Variants in XKR4 observed in about 807,000 individuals in gnomAD.
XKR4 encodes XK-related protein 4.
Under a neutral mutation model 53.9 loss-of-function variants are expected in XKR4, and 12 were observed. That is an observed-to-expected ratio of 0.22 (90% CI 0.14 to 0.36). The LOEUF is 0.36. Ranked by LOEUF, XKR4 falls within the 10% of genes least tolerant of loss-of-function variation. The pLI is 1.00. For missense variants in XKR4, 799 were observed against 859.5 expected (o/e 0.93, Z 0.88); for synonymous variants, 354 against 362.4 (o/e 0.98, Z 0.26).
intron 1 of XKR4, among the ~76,000 whole-genome samples, chr8:55,341,140 A>G (rs1803539778): frequency 6.6e-6 from 1 of 152,124 alleles, no homozygotes; most frequent in South Asian, 2.1e-4. Flanking sequence ...AGGTTTATTT[A>G]AAGGTGGTCC....
At chr8:55,480,952 T>A (rs1585598347) in intron 2 of XKR4, among the ~76,000 whole-genome samples, 1 of 152,152 alleles carries the variant, frequency 6.6e-6, no homozygotes, top group East Asian at 1.9e-4. Context: ...AGAATCCATA[T>A]CATGAAAATG....
chr8:55,193,628 G>A (rs1019604855), intron 1 of XKR4, among the ~76,000 whole-genome samples: 2 of 152,162 alleles, frequency 1.3e-5, no homozygotes, highest in South Asian at 2.1e-4. Flanking sequence ...CCCCACTGTC[G>A]GGGTTAACAA....
chr8:55,282,297 A>G (rs1818855076), intron 1 of XKR4, among the ~76,000 whole-genome samples: 1 of 152,234 alleles, frequency 6.6e-6, no homozygotes, highest in African/African-American at 2.4e-5. Flanking sequence ...AGCACAATGC[A>G]TAATTCCTGT....
intron 2 of XKR4, chr8:55,454,210 G>T: frequency 9.4e-7 from 1 of 1,061,756 alleles, no homozygotes. Flanking sequence ...AGGGTGGAAT[G>T]TGCACACACT....
chr8:55,265,730 A>G (rs973626432), intron 1 of XKR4, among the ~76,000 whole-genome samples: 1 of 152,068 alleles, frequency 6.6e-6, no homozygotes, highest in Non-Finnish European at 1.5e-5. Flanking sequence ...CTGTAATCCC[A>G]GCATTTTGGG....
At chr8:55,162,836 T>C (rs1196540190) in intron 1 of XKR4, among the ~76,000 whole-genome samples, 1 of 152,218 alleles carries the variant, frequency 6.6e-6, no homozygotes, top group African/African-American at 2.4e-5. Context: ...AACTGTACTA[T>C]ATATGCACAT....
chr8:55,450,674 G>C, intron 2 of XKR4: 1 of 592,204 alleles, frequency 1.7e-6, no homozygotes, highest in Admixed American at 2.2e-5. Flanking sequence ...CCGCTGCTCT[G>C]TCCAGCCAGA....
intron 1 of XKR4, among the ~76,000 whole-genome samples, chr8:55,291,874 A>G (rs1819026262): frequency 6.6e-6 from 1 of 152,032 alleles, no homozygotes; most frequent in South Asian, 2.1e-4. Context: ...TACTTTTCTG[A>G]GGTATTTTTT....
chr8:55,244,057 T>C (rs1818249216), intron 1 of XKR4, among the ~76,000 whole-genome samples: 2 of 152,280 alleles, frequency 1.3e-5, no homozygotes, highest in Non-Finnish European at 2.9e-5. Context: ...TTGAGTATTT[T>C]ATAGCTTTTT....
In XKR4 at chr8:55,103,301, T is replaced by TA; in HGVS notation, c.806+9dup. On this transcript the variant is annotated splice_region_variant and intron_variant, in intron 1 of 2. Coordinates refer to ENST00000327381, the MANE Select transcript of XKR4 (RefSeq NM_052898.2). ...AGCTCGGGCAAATCTGGAGGTACTG[T>TA]AATGGGTGGGGGAAAAGGGAGGCTT... is the stretch of plus-strand genomic sequence containing the variant. The TA allele has an allele frequency of 1.9e-6, 3 of 1,589,322 alleles. No individual in the cohort carries two copies. The highest frequency in any genetic ancestry group is 1.1e-5 in the South Asian group (1 of 87,774).
intron 1 of XKR4, among the ~76,000 whole-genome samples, chr8:55,215,137 T>G (rs994172287): frequency 2.0e-5 from 3 of 152,120 alleles, no homozygotes; most frequent in Non-Finnish European, 4.4e-5. Flanking sequence ...ACTCTTCATT[T>G]AGCTGCTGAG....
chr8:55,484,461 G>C (rs1806162600), intron 2 of XKR4, among the ~76,000 whole-genome samples: 2 of 152,172 alleles, frequency 1.3e-5, no homozygotes, highest in Admixed American at 1.3e-4. Flanking sequence ...ATTTAAAAGA[G>C]AATGATACAC....
chr8:55,487,891 A>T (rs980002421), intron 2 of XKR4, among the ~76,000 whole-genome samples: 1 of 152,226 alleles, frequency 6.6e-6, no homozygotes, highest in Non-Finnish European at 1.5e-5. Flanking sequence ...CCAATAGCAG[A>T]TAATAGTTCC....
At chr8:55,158,269 T>A in intron 1 of XKR4, among the ~76,000 whole-genome samples, 1 of 152,232 alleles carries the variant, frequency 6.6e-6, no homozygotes, top group East Asian at 1.9e-4. Context: ...ACGTTGAGGA[T>A]TTTTAAATGT....
At chr8:55,385,611 CA>C (rs999403682) in intron 2 of XKR4, among the ~76,000 whole-genome samples, 2 of 152,142 alleles carry the variant, frequency 1.3e-5, no homozygotes, top group Non-Finnish European at 2.9e-5. Flanking sequence ...AGCAAAGTAA[CA>C]TCATGGAATA....
intron 2 of XKR4, among the ~76,000 whole-genome samples, chr8:55,428,489 C>T (rs941694994): frequency 6.6e-5 from 10 of 152,214 alleles, no homozygotes; most frequent in Non-Finnish European, 1.2e-4. Context: ...TCATTTACAC[C>T]GCCAAGGCTA....
intron 1 of XKR4, among the ~76,000 whole-genome samples, chr8:55,244,995 G>A (rs577277176): frequency 2.7e-5 from 4 of 150,932 alleles, no homozygotes; most frequent in South Asian, 2.1e-4. Flanking sequence ...TCTGCCTCCC[G>A]GGTTCCAGCA....
chr8:55,229,750 G>T (rs368529497), intron 1 of XKR4, among the ~76,000 whole-genome samples: 23 of 152,084 alleles, frequency 1.5e-4, no homozygotes, highest in African/African-American at 5.1e-4. Context: ...TTTTCCCATA[G>T]GATCACCTTG....
intron 2 of XKR4, chr8:55,452,568 C>A: frequency 1.3e-6 from 1 of 794,678 alleles, no homozygotes; most frequent in South Asian, 1.4e-5. Flanking sequence ...CATCAGCCTC[C>A]GGTTCTCCCG....
Sources: allele counts gnomAD v4.1 joint callset (sites outside exome capture counted in the v4.1 genomes callset), GRCh38; gene constraint gnomAD v4.1.1; transcripts MANE v1.5; gene names NCBI Gene and HGNC (gene_info 2026-07-23, HGNC 2026-07-21).